Variants in SQLE observed in about 807,000 individuals in gnomAD.
SQLE encodes the protein squalene monooxygenase.
A neutral mutation model predicts 60.7 loss-of-function variants in SQLE; 29 were observed. That is an observed-to-expected ratio of 0.48 (90% CI 0.36 to 0.65). The LOEUF (loss-of-function observed/expected upper bound fraction) is 0.65, where lower values mean the gene tolerates loss of function less well. SQLE is among the 30% of genes least tolerant of loss of function. The pLI is 0.00. For missense variants in SQLE, 605 were observed against 684.1 expected (o/e 0.88, Z 1.29); for synonymous variants, 237 against 246.8 (o/e 0.96, Z 0.37).
chr8:125,003,556 C>A, intron 2 of SQLE, 128 bp downstream of exon 2: 3 of 1,161,150 alleles, frequency 2.6e-6, no homozygotes, highest in Non-Finnish European at 3.6e-6. Context: ...TACTCATTTA[C>A]CAACAAATTT....
chr8:125,014,317 C>T (rs545926145), intron 7 of SQLE, among the ~76,000 whole-genome samples: 15 of 152,150 alleles, frequency 9.9e-5, no homozygotes, highest in Non-Finnish European at 1.6e-4. Context: ...ATTGGGTTTT[C>T]TTTCTTTTTT....
Position 125,006,814 on chromosome 8 carries a change from C to A in SQLE, c.726-577C>A, listed in dbSNP as rs183259318. 1.8e-3 allele frequency among the ~76,000 whole-genome samples: 269 copies of A among 151,452 alleles called. 1 individual carries two copies. Among genetic ancestry groups the A allele is most frequent in the African/African-American group, 5.9e-3 (245 of 41,316 alleles). On this transcript the variant is annotated intron_variant, in intron 3 of 10. Transcript: ENST00000265896. ...CTGCCTCCCGAGTTCAAGCAATTCT[C>A]CTGCCTCAGCCTCCCGAGTAGCTGG...
chr8:125,008,158 C>T (rs1328563430), intron 4 of SQLE, among the ~76,000 whole-genome samples: 2 of 152,110 alleles, frequency 1.3e-5, no homozygotes, highest in African/African-American at 2.4e-5. Context: ...GGTGCGATCT[C>T]GGCTCACTGC....
intron 1 of SQLE, 118 bp downstream of exon 1, chr8:124,999,812 C>T (rs1814812786): frequency 1.6e-6 from 2 of 1,225,138 alleles, no homozygotes; most frequent in African/African-American, 1.5e-5. Flanking sequence ...TGTATACATT[C>T]TCATGTATTT....
intron 6 of SQLE, among the ~76,000 whole-genome samples, chr8:125,010,023 T>G (rs2129891407): frequency 6.6e-6 from 1 of 152,364 alleles, no homozygotes; most frequent in South Asian, 2.1e-4. Flanking sequence ...TAATTTCATT[T>G]AATCTATGTA....
At chr8:125,021,633 T>C (rs1815206696) in intron 10 of SQLE, 120 bp from the exon 11 acceptor site, 1 of 699,350 alleles carries the variant, frequency 1.4e-6, no homozygotes, top group South Asian at 2.3e-5. Flanking sequence ...TACAGAATTA[T>C]GATGCTTGGG....
chr8:125,012,863 A>C (rs915995439), intron 7 of SQLE, among the ~76,000 whole-genome samples: 3 of 152,218 alleles, frequency 2.0e-5, no homozygotes, highest in African/African-American at 7.2e-5. Context: ...TGTCCCAGTT[A>C]CATTCCTTTC....
At chr8:125,007,339 T>A in intron 3 of SQLE, 52 bp from the exon 4 acceptor site, 1 of 1,343,102 alleles carries the variant, frequency 7.4e-7, no homozygotes, top group South Asian at 1.4e-5. Flanking sequence ...TATATTTAAT[T>A]TAAATTGCTG....
At chr8:125,018,859 T>G (rs1344362750) in intron 9 of SQLE, 132 bp downstream of exon 9, 1 of 649,824 alleles carries the variant, frequency 1.5e-6, no homozygotes, top group African/African-American at 1.9e-5. Context: ...GTTGGTAGTT[T>G]TTTAAAATTC....
intron 7 of SQLE, among the ~76,000 whole-genome samples, chr8:125,015,955 TCTA>T (rs1186399033): frequency 1.4e-5 from 2 of 143,442 alleles, no homozygotes; most frequent in African/African-American, 5.6e-5. Context: ...TTCCACTAAG[TCTA>T]CTGCCAGACA....
intron 7 of SQLE, among the ~76,000 whole-genome samples, chr8:125,015,516 C>G (rs1815097600): frequency 6.6e-6 from 1 of 152,024 alleles, no homozygotes; most frequent in African/African-American, 2.4e-5. Flanking sequence ...GTTTTAATTT[C>G]TTGCTTTTAA....
chr8:125,007,522 A>G, intron 4 of SQLE, 35 bp downstream of exon 4: 1 of 1,420,738 alleles, frequency 7.0e-7, no homozygotes, highest in Non-Finnish European at 9.6e-7. Flanking sequence ...TTCCTAAGAG[A>G]TGTTGTTTTT....
At chr8:125,004,263 A>G (rs1814911462) in intron 2 of SQLE, among the ~76,000 whole-genome samples, 1 of 152,120 alleles carries the variant, frequency 6.6e-6, no homozygotes. Flanking sequence ...TCAAACTTAG[A>G]TGAATGTTTA....
chr8:124,999,628 C>T lies in SQLE; in HGVS notation c.225C>T (p.Phe75=). ...LFSDILSGLP[F]IGFFWAKSPP... ...CGGATATTCTCTCAGGCCTGCCTTT[C>T]ATTGGCTTCTTCTGGGCCAAATCCC... Residue 75 remains phenylalanine, a synonymous_variant, in exon 1 of 11, where the codon TTC becomes TTT. Coordinates refer to ENST00000265896, the MANE Select transcript of SQLE (RefSeq NM_003129.4). 1 of 1,613,050 alleles carries T rather than the reference C, an allele frequency of 6.2e-7. No individual in the cohort carries two copies. Among genetic ancestry groups the T allele is most frequent in the Non-Finnish European group, 8.5e-7 (1 of 1,179,498 alleles).
intron 10 of SQLE, 113 bp downstream of exon 10, chr8:125,020,984 T>C: frequency 1.4e-6 from 1 of 729,988 alleles, no homozygotes. Context: ...TTATTATCTG[T>C]TAGTATCCCA....
At position 124,998,637 on chromosome 8, in the gene SQLE, T is replaced by C; in HGVS notation, c.-767T>C. Reference sequence around the variant, plus strand: ...AAGCCGTCGGGAGCCGCCGCCGCCATCTGAGGGAGGTACCCTGGAAACCAC... The same window carrying C: ...AAGCCGTCGGGAGCCGCCGCCGCCACCTGAGGGAGGTACCCTGGAAACCAC... On this transcript the variant is annotated 5_prime_UTR_variant, in exon 1 of 11. Transcript: ENST00000265896. The C allele has an allele frequency of 1.5e-6, 1 of 678,514 alleles. No individual in the cohort carries two copies. Among genetic ancestry groups the C allele is most frequent in the Non-Finnish European group, 2.7e-6 (1 of 373,456 alleles). 42.0% of individuals were successfully genotyped at this position (678,514 alleles called of 1,614,324 possible).
rs1351819214 is a variant in SQLE, at chr8:125,016,547, CT to C, written c.1205-1511del. 6.6e-6 allele frequency among the ~76,000 whole-genome samples: 1 copy of C among 152,102 alleles called. No individual in the cohort carries two copies. The highest frequency in any genetic ancestry group is 1.9e-4 in the East Asian group (1 of 5,188). On this transcript the variant is annotated intron_variant, in intron 7 of 10. Transcript: ENST00000265896. The surrounding 1 kb of genome is among the most constrained non-coding windows in gnomAD (Gnocchi z 4.1). ...ATTTTGTTGAGCTTCTCCAAAACAGCTATTTTGAATTCTCTGAAAGCTCACA... is the reference window on the plus strand; with the variant it reads ...ATTTTGTTGAGCTTCTCCAAAACAGCATTTTGAATTCTCTGAAAGCTCACA...
At position 124,998,536 on chromosome 8, in the gene SQLE, C is replaced by T. The variant is rs1331451415; in HGVS notation, c.-868C>T. 3 of 669,570 alleles carry T rather than the reference C, an allele frequency of 4.5e-6. No homozygotes were observed. Among genetic ancestry groups the T allele is most frequent in the East Asian group, 6.0e-5 (2 of 33,152 alleles). The allele number at this position is 669,570 out of a possible 1,614,324, so 41.5% of individuals were successfully genotyped here. A position where few individuals can be genotyped will look rare whatever the true frequency, so the allele number is the denominator to read the frequency against. ...CGTGGAGCCTGGCGGCGAGTGGGGG[C>T]GTGCGACGGTTACTCTGGTTACTGG... On this transcript the variant is annotated 5_prime_UTR_variant, in exon 1 of 11. Coordinates refer to ENST00000265896, the MANE Select transcript of SQLE (RefSeq NM_003129.4).
At chr8:125,020,730 A>G in intron 9 of SQLE, 54 bp from the exon 10 acceptor site, 1 of 1,099,954 alleles carries the variant, frequency 9.1e-7, no homozygotes, top group Non-Finnish European at 1.4e-6. Context: ...ATATATCATT[A>G]GCATCCTACA....
Sources: gnomAD v4.1 joint callset for allele counts (sites outside exome capture counted in the v4.1 genomes callset) on GRCh38, gnomAD v4.1.1 for gene constraint, Gnocchi (gnomAD v3.1) non-coding constraint, MANE v1.5 for transcripts, NCBI Gene and HGNC (gene_info 2026-07-23, HGNC 2026-07-21) for gene names.